The following NLK variants were observed in gnomAD, a reference collection of about 807,000 sequenced individuals.
The protein encoded by NLK is serine/threonine-protein kinase NLK.
Under a neutral mutation model 59.0 loss-of-function variants are expected in NLK, and 11 were observed. The observed-to-expected ratio is 0.19, with a 90% confidence interval of 0.12 to 0.31. The LOEUF (loss-of-function observed/expected upper bound fraction) is 0.31. Ranked by LOEUF, NLK falls within the 10% of genes least tolerant of loss-of-function variation. The probability of loss-of-function intolerance (pLI) is 1.00; values close to 1 mark genes in which losing one functional copy is unlikely to be tolerated. For synonymous variants in NLK, 235 were observed against 235.9 expected, an observed-to-expected ratio of 1.00 and a Z score of 0.03; for missense variants, 410 against 661.1, an observed-to-expected ratio of 0.62 and a Z score of 4.16.
chr17:28,042,876 GTC>G lies in NLK; in HGVS notation c.7_8del (p.Cys4TrpfsTer118). On this transcript the variant is annotated frameshift_variant, in exon 1 of 11. Transcript: ENST00000407008. LOFTEE classifies it high-confidence loss of function. Reference sequence around the variant, plus strand: ...CAATCAAAGGGCATTTATTTTGAATGTCTCTTTGTGGCGCAAGAGCCAACGCA... The same window carrying G: ...CAATCAAAGGGCATTTATTTTGAATGTCTTTGTGGCGCAAGAGCCAACGCA... M[S>X]LCGARANAKM... The G allele has an allele frequency of 6.7e-7, 1 of 1,493,174 alleles. No homozygotes were observed. The allele number at this position is 1,493,174 out of a possible 1,614,324, so 92.5% of individuals were successfully genotyped here. A position where few individuals can be genotyped will look rare whatever the true frequency, so the allele number is the denominator to read the frequency against.
intron 1 of NLK, among the ~76,000 whole-genome samples, chr17:28,043,781 C>A (rs908356032): frequency 6.6e-6 from 1 of 152,202 alleles, no homozygotes; most frequent in Non-Finnish European, 1.5e-5. Flanking sequence ...CCTGTCCTTT[C>A]TGTCTTTTCA....
rs533654072 is a variant in NLK at position 28,124,189 on chromosome 17, A to G, written c.588+1457A>G. Among the ~76,000 whole-genome samples the G allele has an allele frequency of 2.1e-3, 325 of 152,316 alleles. 1 individual carries two copies. The highest frequency in any genetic ancestry group is 3.4e-3 in the Middle Eastern group (1 of 294). Reference sequence around the variant, plus strand: ...AAAGGGCATTGCTGTGTTTTAGTCAATTGGAACTGCCTAGCAATATGCTTG... The same window carrying G: ...AAAGGGCATTGCTGTGTTTTAGTCAGTTGGAACTGCCTAGCAATATGCTTG... On this transcript the variant is annotated intron_variant, in intron 2 of 10. Transcript: ENST00000407008.
At chr17:28,123,211 G>A (rs1454481726) in intron 2 of NLK, among the ~76,000 whole-genome samples, 1 of 152,136 alleles carries the variant, frequency 6.6e-6, no homozygotes, top group Non-Finnish European at 1.5e-5. Context: ...TTTCGCATTG[G>A]CTTCTGAAAT....
intron 2 of NLK, among the ~76,000 whole-genome samples, chr17:28,124,169 G>T (rs750348973): frequency 2.2e-4 from 34 of 151,934 alleles, no homozygotes; most frequent in Non-Finnish European, 4.7e-4. Context: ...TTTTTAAAGG[G>T]CATTGCTGTG....
intron 7 of NLK, among the ~76,000 whole-genome samples, chr17:28,182,305 A>T (rs1908941785): frequency 6.6e-6 from 1 of 152,152 alleles, no homozygotes; most frequent in Non-Finnish European, 1.5e-5. Flanking sequence ...GGATTTTCCT[A>T]CATGGCTTTT....
rs984366292 is a variant in NLK at position 28,144,396 on chromosome 17, C to CAA, written c.644+11739_644+11740dup. Reference sequence around the variant, plus strand: ...GAAACACCTGTGTTCCAGGTGAAGCCAAAAAAAAAAAAAAAAAAACTAAAG... The same window carrying CAA: ...GAAACACCTGTGTTCCAGGTGAAGCCAAAAAAAAAAAAAAAAAAAAACTAAAG... On this transcript the variant is annotated intron_variant, in intron 3 of 10. Transcript: ENST00000407008. Among the ~76,000 whole-genome samples the CAA allele has an allele frequency of 5.5e-3, 444 of 81,462 alleles. 5 individuals carry two copies. Among genetic ancestry groups the CAA allele is most frequent in the Middle Eastern group, 0.014 (2 of 146 alleles). 53.4% of individuals were successfully genotyped at this position (81,462 alleles called of 152,430 possible).
chr17:28,071,788 T>TA (rs1429133305), intron 1 of NLK, among the ~76,000 whole-genome samples: 1 of 152,250 alleles, frequency 6.6e-6, no homozygotes, highest in African/African-American at 2.4e-5. Context: ...CCTCAGGTTT[T>TA]AATTAATTAA....
chr17:28,068,568 G>T (rs1909910171), intron 1 of NLK, among the ~76,000 whole-genome samples: 1 of 152,204 alleles, frequency 6.6e-6, no homozygotes, highest in South Asian at 2.1e-4. Flanking sequence ...GGCCTTGTAT[G>T]TGATCACTAT....
At chr17:28,127,051 G>A (rs1176505528) in intron 2 of NLK, among the ~76,000 whole-genome samples, 3 of 152,150 alleles carry the variant, frequency 2.0e-5, no homozygotes, top group African/African-American at 7.2e-5. Context: ...AGCCCCCTTA[G>A]GGTCTATTGA....
At chr17:28,068,617 C>G (rs545804641) in intron 1 of NLK, among the ~76,000 whole-genome samples, 11 of 152,088 alleles carry the variant, frequency 7.2e-5, no homozygotes, top group Non-Finnish European at 1.3e-4. Context: ...TATATTTATT[C>G]TGCAGTTGAT....
At chr17:28,124,837 T>G (rs1175346116) in intron 2 of NLK, among the ~76,000 whole-genome samples, 1 of 151,796 alleles carries the variant, frequency 6.6e-6, no homozygotes, top group Non-Finnish European at 1.5e-5. Context: ...ATCATTTGAG[T>G]CCAGGAGTTC....
chr17:28,205,739 T>A, the NLK span, among the ~76,000 whole-genome samples: 1 of 151,668 alleles, frequency 6.6e-6, no homozygotes, highest in Admixed American at 6.6e-5. Flanking sequence ...ATATTTAGCT[T>A]AAAAAAAAAT....
Position 28,081,722 on chromosome 17 carries a change from T to G in NLK, c.458+38391T>G, listed in dbSNP as rs1272613211. Among the ~76,000 whole-genome samples, 3 of 152,210 alleles carry G rather than the reference T, an allele frequency of 2.0e-5. No individual in the cohort carries two copies. The South Asian group carries it at 6.2e-4, about 32-fold the overall frequency. On this transcript the variant is annotated intron_variant, in intron 1 of 10. Coordinates refer to ENST00000407008, the MANE Select transcript of NLK (RefSeq NM_016231.5). ...GTTTTGTGTTCGTTTTAATGTTACC[T>G]GTTACCAGGTTTGCATTTGATATTG...
chr17:28,158,131 C>T (rs1388883355), intron 3 of NLK, among the ~76,000 whole-genome samples: 1 of 152,136 alleles, frequency 6.6e-6, no homozygotes, highest in Non-Finnish European at 1.5e-5. Context: ...TTACACAAAC[C>T]TAGATGGTAT....
rs933068660 is a variant in NLK at position 28,055,236 on chromosome 17, G to A, written c.458+11905G>A. ...TCTTCCCGAGTAGCTGGGACTACAC[G>A]CACACGCCACCACTCCCAGCTAATT... On this transcript the variant is annotated intron_variant, in intron 1 of 10. Coordinates refer to ENST00000407008, the MANE Select transcript of NLK (RefSeq NM_016231.5). 6.6e-5 allele frequency among the ~76,000 whole-genome samples: 10 copies of A among 151,756 alleles called. No individual in the cohort carries two copies. The South Asian group carries it at 1.0e-3, about 16-fold the overall frequency.
At chr17:28,081,308 C>T (rs1910337744) in intron 1 of NLK, among the ~76,000 whole-genome samples, 1 of 151,836 alleles carries the variant, frequency 6.6e-6, no homozygotes, top group Non-Finnish European at 1.5e-5. Context: ...GCTCAAGTCT[C>T]CTGAGTAACT....
intron 1 of NLK, among the ~76,000 whole-genome samples, chr17:28,078,548 C>G (rs1377646909): frequency 6.6e-6 from 1 of 152,142 alleles, no homozygotes; most frequent in Non-Finnish European, 1.5e-5. Context: ...TCATTGTTAT[C>G]TCTTTCTGCC....
At chr17:28,152,254 A>C (rs1196911297) in intron 3 of NLK, among the ~76,000 whole-genome samples, 1 of 152,234 alleles carries the variant, frequency 6.6e-6, no homozygotes, top group Non-Finnish European at 1.5e-5. Flanking sequence ...TTGAAAATGT[A>C]GTCACTGTTA....
chr17:28,192,901 T>G (rs34915456), intron 10 of NLK, among the ~76,000 whole-genome samples: 1 of 152,156 alleles, frequency 6.6e-6, no homozygotes, highest in Non-Finnish European at 1.5e-5. Context: ...AATAATTTTT[T>G]TGTGTGTAGG....
Sources: allele counts gnomAD v4.1 joint callset (sites outside exome capture counted in the v4.1 genomes callset), GRCh38; gene constraint gnomAD v4.1.1; transcripts MANE v1.5; gene names NCBI Gene and HGNC (gene_info 2026-07-23, HGNC 2026-07-21).